The following CDCA2 variants were observed in gnomAD, a reference collection of about 807,000 sequenced individuals.
CDCA2 encodes cell division cycle-associated protein 2.
Under a neutral mutation model 67.0 loss-of-function variants are expected in CDCA2, and 44 were observed. That is an observed-to-expected ratio of 0.66 (90% CI 0.52 to 0.84). The LOEUF is 0.84. CDCA2 is among the 40% of genes least tolerant of loss of function. The pLI is 0.00. For missense variants in CDCA2, 1,253 were observed against 1,203.2 expected (o/e 1.04, Z -0.61); for synonymous variants, 447 against 418.7 (o/e 1.07, Z -0.82).
rs1804746131 is a variant in CDCA2, at chr8:25,507,761, T to C, written c.*23T>C. On this transcript the variant is annotated 3_prime_UTR_variant, in exon 15 of 15. Coordinates refer to ENST00000330560, the MANE Select transcript of CDCA2 (RefSeq NM_152562.4). ...TAATTGACATTTCCTGCAGAGTCTG[T>C]GGCAAGAGGGAAAGTAACCATCTAT... 6.3e-7 allele frequency: 1 copy of C among 1,594,042 alleles called. No homozygotes were observed. The highest frequency in any genetic ancestry group is 8.5e-7 in the Non-Finnish European group (1 of 1,172,120).
intron 4 of CDCA2, among the ~76,000 whole-genome samples, chr8:25,462,871 G>A (rs760240604): frequency 8.6e-5 from 13 of 151,998 alleles, no homozygotes; most frequent in East Asian, 1.9e-4. Flanking sequence ...TGTAGAGATG[G>A]GGCCTCACTA....
chr8:25,488,818 G>A lies in CDCA2; in HGVS notation c.1671+129G>A, dbSNP rs563863279. ...CCAAGATTATTAATGCAATCTTACC[G>A]TGGAGTAGAATGGGGTGGGGGGGTT... On this transcript the variant is annotated intron_variant, in intron 13 of 14. Transcript: ENST00000330560. 2.2e-4 allele frequency: 207 copies of A among 930,386 alleles called. 3 individuals are homozygous for A. The South Asian group carries it at 3.6e-3, about 16-fold the overall frequency. The allele number at this position is 930,386 out of a possible 1,614,324, so 57.6% of individuals were successfully genotyped here. A position where few individuals can be genotyped will look rare whatever the true frequency, so the allele number is the denominator to read the frequency against.
chr8:25,498,289 C>G (rs1370814309), intron 13 of CDCA2, among the ~76,000 whole-genome samples: 1 of 151,916 alleles, frequency 6.6e-6, no homozygotes, highest in Non-Finnish European at 1.5e-5. Flanking sequence ...CTCACTGCAA[C>G]CTCCTCCTCC....
At position 25,469,881 on chromosome 8, in the gene CDCA2, C is replaced by G; in HGVS notation, c.736-15C>G. On this transcript the variant is annotated splice_polypyrimidine_tract_variant and intron_variant, in intron 6 of 14. Coordinates refer to ENST00000330560, the MANE Select transcript of CDCA2 (RefSeq NM_152562.4). ...TAATTAATAAAATGTAATACTCTTTCAATTTTTCCCCAAGATATCATCTAA... is the reference window on the plus strand; with the variant it reads ...TAATTAATAAAATGTAATACTCTTTGAATTTTTCCCCAAGATATCATCTAA... The G allele has an allele frequency of 1.3e-6, 2 of 1,563,352 alleles. No homozygotes were observed. The highest frequency in any genetic ancestry group is 2.2e-5 in the East Asian group (1 of 44,484).
In CDCA2 at chr8:25,506,881, T is replaced by C; in HGVS notation, c.2215T>C (p.Phe739Leu). 1.2e-6 allele frequency: 2 copies of C among 1,612,082 alleles called. No homozygotes were observed. The highest frequency in any genetic ancestry group is 1.7e-6 in the Non-Finnish European group (2 of 1,179,072). The change falls in exon 15 of 15, where the codon TTT becomes CTT. Residue 739 changes from phenylalanine (F) to leucine (L), a missense_variant. Phe to Leu is a conservative substitution (Grantham distance 22). Transcript: ENST00000330560. ...PALTLQQGQE[F>L]SAGGQNAENL... ...TCTGACCCTGCAGCAGGGTCAAGAA[T>C]TTTCTGCTGGTGGTCAAAATGCAGA...
chr8:25,477,533 C>CT (rs1300525767), intron 7 of CDCA2, among the ~76,000 whole-genome samples: 4 of 152,236 alleles, frequency 2.6e-5, no homozygotes, highest in African/African-American at 9.6e-5. Context: ...GTTAGAGATG[C>CT]TTGACTGGTA....
chr8:25,468,550 TGTGTGTGC>T, intron 6 of CDCA2, 137 bp downstream of exon 6: 2 of 500,518 alleles, frequency 4.0e-6, no homozygotes, highest in Non-Finnish European at 7.1e-6. Context: ...TGTGTGTGTG[TGTGTGTGC>T]GTGTGTGTGT....
At chr8:25,468,118 C>CAAA (rs60060887) in intron 5 of CDCA2, 99 bp from the exon 6 acceptor site, 2,161 of 157,672 alleles carry the variant, frequency 0.014, no homozygotes, top group Middle Eastern at 0.032. Context: ...AACTCCGTCT[C>CAAA]AAAAAAAAAA....
chr8:25,465,316 T>C (rs1802857863), intron 4 of CDCA2, among the ~76,000 whole-genome samples: 1 of 152,182 alleles, frequency 6.6e-6, no homozygotes, highest in South Asian at 2.1e-4. Context: ...TTTACTTCAC[T>C]TTTTGCCCAT....
intron 13 of CDCA2, among the ~76,000 whole-genome samples, chr8:25,494,660 G>T (rs1395189775): frequency 6.6e-6 from 1 of 152,154 alleles, no homozygotes; most frequent in Admixed American, 6.5e-5. Context: ...AATATATGTG[G>T]TCAACTACTG....
intron 4 of CDCA2, among the ~76,000 whole-genome samples, chr8:25,465,687 A>G (rs576307906): frequency 7.2e-5 from 11 of 152,290 alleles, no homozygotes; most frequent in Non-Finnish European, 1.6e-4. Flanking sequence ...AGAGCAGTGC[A>G]AGTGTAGTAT....
chr8:25,501,522 G>A (rs1054329162), intron 13 of CDCA2, among the ~76,000 whole-genome samples: 2 of 152,232 alleles, frequency 1.3e-5, no homozygotes, highest in African/African-American at 4.8e-5. Flanking sequence ...GCTGCATGCA[G>A]CCCTGCACCT....
At chr8:25,489,619 G>A (rs1009432180) in intron 13 of CDCA2, among the ~76,000 whole-genome samples, 9 of 152,068 alleles carry the variant, frequency 5.9e-5, no homozygotes, top group African/African-American at 2.2e-4. Context: ...CCACTTTGCC[G>A]CTTCACTTCA....
At chr8:25,460,992 G>T (rs1802661115) in intron 3 of CDCA2, among the ~76,000 whole-genome samples, 1 of 152,106 alleles carries the variant, frequency 6.6e-6, no homozygotes, top group South Asian at 2.1e-4. Flanking sequence ...ACAGGGTTGG[G>T]CTCAGTGGCT....
At chr8:25,469,089 T>C (rs914849370) in intron 6 of CDCA2, among the ~76,000 whole-genome samples, 4 of 152,226 alleles carry the variant, frequency 2.6e-5, no homozygotes, top group African/African-American at 9.6e-5. Context: ...TGACGGACTT[T>C]TCTTACTTCA....
intron 7 of CDCA2, among the ~76,000 whole-genome samples, chr8:25,476,893 CTCCT>C (rs1452493053): frequency 6.6e-6 from 1 of 152,096 alleles, no homozygotes; most frequent in Non-Finnish European, 1.5e-5. Flanking sequence ...ATTGCTCCTT[CTCCT>C]TCTAAGGACC....
chr8:25,489,767 G>C (rs1429524178), intron 13 of CDCA2, among the ~76,000 whole-genome samples: 1 of 152,160 alleles, frequency 6.6e-6, no homozygotes, highest in African/African-American at 2.4e-5. Context: ...GTGTTTTCCA[G>C]AATTCTCTTC....
intron 4 of CDCA2, among the ~76,000 whole-genome samples, chr8:25,463,987 A>G (rs1802801870): frequency 6.6e-6 from 1 of 152,196 alleles, no homozygotes; most frequent in African/African-American, 2.4e-5. Context: ...AGATTTTACT[A>G]AAGATAGAGG....
Position 25,484,015 on chromosome 8 carries a change from G to A in CDCA2, c.1170G>A (p.Arg390=). The change falls in exon 10 of 15, where the codon AGG becomes AGA. Residue 390 remains arginine (R), a synonymous_variant. Transcript: ENST00000330560. ...EAPAFLNMRK[R]KRVTFGEDLS... is the part of the protein sequence containing the mutation. ...CTGCCTTTCTAAATATGAGGAAGAG[G>A]AAGAGAGTTACTTTTGGAGAGGACT... 1.2e-6 allele frequency: 2 copies of A among 1,614,170 alleles called. No individual in the cohort carries two copies. The highest frequency in any genetic ancestry group is 2.2e-5 in the East Asian group (1 of 44,876).
Sources: allele counts gnomAD v4.1 joint callset (sites outside exome capture counted in the v4.1 genomes callset), GRCh38; gene constraint gnomAD v4.1.1; transcripts MANE v1.5; gene names NCBI Gene and HGNC (gene_info 2026-07-23, HGNC 2026-07-21).